CCSER1: variants seen among roughly 807,000 people sequenced by gnomAD.
The protein encoded by CCSER1 is coiled-coil serine rich protein 1, also known as serine-rich coiled-coil domain-containing protein 1.
In CCSER1, 41 loss-of-function variants were observed where a neutral mutation model predicts 82.0. That is an observed-to-expected ratio of 0.50 (90% CI 0.39 to 0.65). The LOEUF is 0.65. CCSER1 is among the 30% of genes least tolerant of loss of function. The pLI is 0.00. For synonymous variants in CCSER1, 414 were observed against 383.9 expected, an observed-to-expected ratio of 1.08 and a Z score of -0.92; for missense variants, 1,119 against 1,064.2, an observed-to-expected ratio of 1.05 and a Z score of -0.72.
intron 10 of CCSER1, among the ~76,000 whole-genome samples, chr4:91,129,288 G>A (rs551960531): frequency 6.6e-6 from 1 of 151,980 alleles, no homozygotes; most frequent in South Asian, 2.1e-4. Context: ...TTCAATGACC[G>A]AAATCCTTCC....
intron 7 of CCSER1, among the ~76,000 whole-genome samples, chr4:90,802,275 A>C (rs1756938115): frequency 6.8e-6 from 1 of 147,998 alleles, no homozygotes; most frequent in Non-Finnish European, 1.5e-5. Context: ...TATATATTAT[A>C]TGTAAATATA....
At chr4:90,210,869 G>GT (rs907233888) in intron 1 of CCSER1, among the ~76,000 whole-genome samples, 22 of 150,568 alleles carry the variant, frequency 1.5e-4, no homozygotes, top group African/African-American at 3.9e-4. Context: ...AAAACATTTT[G>GT]TTTTTTTTTA....
In CCSER1 at chr4:90,529,878, C is replaced by T. The variant is rs72885063; in HGVS notation, c.1724+61524C>T. On this transcript the variant is annotated intron_variant, in intron 5 of 10. Coordinates refer to ENST00000509176, the MANE Select transcript of CCSER1 (RefSeq NM_001145065.2). The stretch of plus-strand genomic sequence containing the variant: ...ATTAAGTAAAGGGAAATGGTGTTAT[C>T]CCTCAAATCACTTAGGAGTATACAA... Among the ~76,000 whole-genome samples, 1,122 of 151,592 alleles carry T rather than the reference C, an allele frequency of 7.4e-3. 18 individuals are homozygous for T. The highest frequency in any genetic ancestry group is 0.026 in the African/African-American group (1,058 of 41,370).
intron 3 of CCSER1, among the ~76,000 whole-genome samples, chr4:90,333,022 G>A (rs1739611605): frequency 6.6e-6 from 1 of 152,102 alleles, no homozygotes; most frequent in African/African-American, 2.4e-5. Flanking sequence ...ACTCATGACA[G>A]TTATTTGCAG....
At chr4:90,723,350 C>T (rs1459432098) in intron 6 of CCSER1, among the ~76,000 whole-genome samples, 1 of 151,670 alleles carries the variant, frequency 6.6e-6, no homozygotes, top group Non-Finnish European at 1.5e-5. Context: ...ATCTTTTATC[C>T]TTAAATTTTT....
At chr4:90,910,600 C>T (rs1388125194) in intron 8 of CCSER1, among the ~76,000 whole-genome samples, 1 of 152,150 alleles carries the variant, frequency 6.6e-6, no homozygotes. Flanking sequence ...GCAATCTGCT[C>T]TCAGAGTGGT....
chr4:90,607,367 C>T (rs574896000), intron 5 of CCSER1, among the ~76,000 whole-genome samples: 56 of 152,186 alleles, frequency 3.7e-4, no homozygotes, highest in African/African-American at 1.3e-3. Flanking sequence ...CTAAGGCTGC[C>T]ATACCAAATT....
intron 5 of CCSER1, among the ~76,000 whole-genome samples, chr4:90,530,937 AAAATT>A (rs1387841807): frequency 2.0e-5 from 3 of 152,226 alleles, no homozygotes; most frequent in African/African-American, 7.2e-5. Context: ...TATCAGAAGA[AAAATT>A]AAAATACTGT....
chr4:90,689,413 A>C (rs948367526), intron 6 of CCSER1, among the ~76,000 whole-genome samples: 3 of 152,148 alleles, frequency 2.0e-5, no homozygotes, highest in Admixed American at 6.6e-5. Flanking sequence ...TCTGGTTAGA[A>C]TATATTAATT....
intron 6 of CCSER1, among the ~76,000 whole-genome samples, chr4:90,656,477 T>C (rs1354663210): frequency 6.6e-6 from 1 of 151,870 alleles, no homozygotes; most frequent in Non-Finnish European, 1.5e-5. Flanking sequence ...TGCTAGTTTC[T>C]GTTGGTTAGT....
intron 10 of CCSER1, among the ~76,000 whole-genome samples, chr4:91,575,642 T>C (rs1186145689): frequency 1.3e-5 from 2 of 151,884 alleles, no homozygotes; most frequent in African/African-American, 4.8e-5. Context: ...TCCTAAAATA[T>C]GTATGGAATT....
At chr4:90,720,641 G>A (rs550636561) in intron 6 of CCSER1, among the ~76,000 whole-genome samples, 12 of 152,102 alleles carry the variant, frequency 7.9e-5, no homozygotes, top group African/African-American at 2.9e-4. Context: ...GATACACACG[G>A]CTGACTTGGA....
chr4:91,209,327 A>C (rs1487820300), intron 10 of CCSER1, among the ~76,000 whole-genome samples: 1 of 151,896 alleles, frequency 6.6e-6, no homozygotes, highest in Non-Finnish European at 1.5e-5. Flanking sequence ...TTTTCTATTC[A>C]GTATGATGTT....
At chr4:90,715,461 A>G (rs555223248) in intron 6 of CCSER1, among the ~76,000 whole-genome samples, 26 of 152,160 alleles carry the variant, frequency 1.7e-4, no homozygotes, top group African/African-American at 6.3e-4. Flanking sequence ...GTGACTAAAC[A>G]CTAAAGCAAG....
rs553893706 is a variant in CCSER1 at position 90,254,804 on chromosome 4, C to T, written c.-41-53440C>T. On this transcript the variant is annotated intron_variant, in intron 1 of 10. Transcript: ENST00000509176. ...TTGATTTTGCTGAATAAATGTTTCT[C>T]CATTTTTTGCATGTCATTAGGGAAA... Among the ~76,000 whole-genome samples the T allele has an allele frequency of 5.9e-5, 9 of 152,136 alleles. No individual in the cohort carries two copies. The South Asian group carries it at 1.0e-3, about 18-fold the overall frequency.
chr4:91,510,716 G>C (rs1759771758), intron 10 of CCSER1, among the ~76,000 whole-genome samples: 2 of 152,034 alleles, frequency 1.3e-5, no homozygotes, highest in Admixed American at 1.3e-4. Context: ...TATAGATCTG[G>C]ATATCATACC....
intron 3 of CCSER1, among the ~76,000 whole-genome samples, chr4:90,323,060 G>A (rs564307806): frequency 5.9e-5 from 9 of 152,326 alleles, no homozygotes; most frequent in Non-Finnish European, 7.4e-5. Context: ...CCATCCAGGC[G>A]CTGGGGTCTA....
chr4:91,547,501 T>C (rs973789726), intron 10 of CCSER1, among the ~76,000 whole-genome samples: 2 of 152,176 alleles, frequency 1.3e-5, no homozygotes, highest in African/African-American at 4.8e-5. Context: ...CCAACTTCAC[T>C]TTCTCTTGAT....
intron 10 of CCSER1, among the ~76,000 whole-genome samples, chr4:91,551,388 AAAT>A (rs1436820331): frequency 6.6e-6 from 1 of 152,164 alleles, no homozygotes; most frequent in African/African-American, 2.4e-5. Context: ...GCTTGATAAA[AAAT>A]AATGAGCATA....
Sources: allele counts gnomAD v4.1 joint callset (sites outside exome capture counted in the v4.1 genomes callset), GRCh38; gene constraint gnomAD v4.1.1; transcripts MANE v1.5; gene names NCBI Gene and HGNC (gene_info 2026-07-23, HGNC 2026-07-21).